HECTD4: variants seen among roughly 807,000 people sequenced by gnomAD.
HECTD4 encodes HECT domain E3 ubiquitin protein ligase 4.
In HECTD4, 114 loss-of-function variants were observed where a neutral mutation model predicts 471.5. The ratio of observed to expected loss-of-function variants is 0.24; its 90% confidence interval spans 0.21 to 0.28. The LOEUF (loss-of-function observed/expected upper bound fraction) is 0.28, where lower values mean the gene tolerates loss of function less well. HECTD4 is among the 10% of genes least tolerant of loss of function. HECTD4 has a pLI of 1.00. For synonymous variants in HECTD4, 2,012 were observed against 2,256.0 expected (o/e 0.89, Z 3.07); for missense variants, 3,866 against 5,651.5 (o/e 0.68, Z 10.13).
chr12:112,370,906 C>A (rs570601767), intron 1 of HECTD4, among the ~76,000 whole-genome samples: 1 of 152,262 alleles, frequency 6.6e-6, no homozygotes, highest in African/African-American at 2.4e-5. Flanking sequence ...CTGTTATTTA[C>A]ATTTGTCTAC....
rs2030960449 is a variant in HECTD4 at position 112,166,388 on chromosome 12, G to C, written c.12534+929C>G. 1 of 152,264 alleles carries C rather than the reference G, an allele frequency of 6.6e-6. No individual in the cohort carries two copies. Among genetic ancestry groups the C allele is most frequent in the South Asian group, 2.1e-4 (1 of 4,838 alleles). 9.4% of individuals were successfully genotyped at this position (152,264 alleles called of 1,614,324 possible). On this transcript the variant is annotated intron_variant, in intron 72 of 75. Coordinates refer to ENST00000682272, the MANE Select transcript of HECTD4 (RefSeq NM_001388303.1). This position sits in a 1 kb window ranked among gnomAD's most constrained non-coding sequence, Gnocchi z 4.6. ...GGCCATGGAGTATTCTGCCGGCATA[G>C]GCAGAAGCCGCTGGCACCTCCTTCA...
intron 67 of HECTD4, among the ~76,000 whole-genome samples, chr12:112,171,995 C>T (rs2031239832): frequency 6.6e-6 from 1 of 152,174 alleles, no homozygotes; most frequent in South Asian, 2.1e-4. Context: ...CCTCCACCTC[C>T]CGGGTTCAAG....
Position 112,381,603 on chromosome 12 carries a change from C to T in HECTD4, c.177+349G>A, listed in dbSNP as rs1168240357. 5.9e-5 allele frequency among the ~76,000 whole-genome samples: 9 copies of T among 152,120 alleles called. No individual in the cohort carries two copies. Among genetic ancestry groups the T allele is most frequent in the Non-Finnish European group, 4.4e-5 (3 of 68,010 alleles). ...TGCCCTGGAAGTGGGTCCTGGGGGCCCGTGGGGGAGGGGAGGGAGGGCCCG... is the reference window on the plus strand; with the variant it reads ...TGCCCTGGAAGTGGGTCCTGGGGGCTCGTGGGGGAGGGGAGGGAGGGCCCG... On this transcript the variant is annotated intron_variant, in intron 1 of 75. Transcript: ENST00000682272. This position sits in a 1 kb window ranked among gnomAD's most constrained non-coding sequence, Gnocchi z 4.1.
rs1206687145 is a variant in HECTD4 at position 112,194,446 on chromosome 12, G to C, written c.8749+439C>G. On this transcript the variant is annotated intron_variant, in intron 56 of 75. Coordinates refer to ENST00000682272, the MANE Select transcript of HECTD4 (RefSeq NM_001388303.1). The surrounding 1 kb of genome is among the most constrained non-coding windows in gnomAD (Gnocchi z 4.6). Reference sequence around the variant, plus strand: ...ATCACCTGGCATTCACTGGGGATCAGACACAGCCCTCATGCCAAGGGCACA... The same window carrying C: ...ATCACCTGGCATTCACTGGGGATCACACACAGCCCTCATGCCAAGGGCACA... 6.6e-6 allele frequency among the ~76,000 whole-genome samples: 1 copy of C among 152,220 alleles called. No homozygotes were observed. The highest frequency in any genetic ancestry group is 1.5e-5 in the Non-Finnish European group (1 of 68,024).
chr12:112,306,317 T>A (rs2035270568), intron 6 of HECTD4, 83 bp from the exon 7 acceptor site: 4 of 1,130,222 alleles, frequency 3.5e-6, no homozygotes, highest in Non-Finnish European at 4.6e-6. Flanking sequence ...AATGCCATTA[T>A]GCCCAAGATG....
In HECTD4 at chr12:112,273,740, G is replaced by T; in HGVS notation, c.1857C>A (p.Ile619=). 1 of 1,613,886 alleles carries T rather than the reference G, an allele frequency of 6.2e-7. No homozygotes were observed. Among genetic ancestry groups the T allele is most frequent in the Non-Finnish European group, 8.5e-7 (1 of 1,179,788 alleles). The change falls in exon 11 of 76, where the codon ATC becomes ATA. Residue 619 remains isoleucine (I), a synonymous_variant. Transcript: ENST00000682272. ...GATTCCCAGGGTTACACCACTGATC[G>T]ATATAGTCATTTGAGCATGTCCATA... ...NMLWTCSNDY[I]DQWCNPGNQA...
Position 112,228,503 on chromosome 12 carries a change from C to T in HECTD4, c.6684+144G>A. On this transcript the variant is annotated intron_variant, in intron 42 of 75. Coordinates refer to ENST00000682272, the MANE Select transcript of HECTD4 (RefSeq NM_001388303.1). The surrounding 1 kb of genome is among the most constrained non-coding windows in gnomAD (Gnocchi z 4.9). ...TCACATAAGCATTACTATTAAATAACTATAACCAATACATAAATATACATC... is the reference window on the plus strand; with the variant it reads ...TCACATAAGCATTACTATTAAATAATTATAACCAATACATAAATATACATC... 2.3e-6 allele frequency: 2 copies of T among 888,468 alleles called. No homozygotes were observed. Among genetic ancestry groups the T allele is most frequent in the Non-Finnish European group, 3.3e-6 (2 of 608,830 alleles). The allele number at this position is 888,468 out of a possible 1,614,324, so 55.0% of individuals were successfully genotyped here. A position where few individuals can be genotyped will look rare whatever the true frequency, so the allele number is the denominator to read the frequency against.
chr12:112,192,437 G>T, intron 59 of HECTD4, 123 bp downstream of exon 59: 1 of 679,744 alleles, frequency 1.5e-6, no homozygotes, highest in Non-Finnish European at 2.3e-6. Flanking sequence ...GTCCCCAGAA[G>T]TCCTATTCTT....
Position 112,193,248 on chromosome 12 carries a change from A to G in HECTD4, c.8956-57T>C, listed in dbSNP as rs1290024124. On this transcript the variant is annotated intron_variant, in intron 57 of 75. Coordinates refer to ENST00000682272, the MANE Select transcript of HECTD4 (RefSeq NM_001388303.1). This position sits in a 1 kb window ranked among gnomAD's most constrained non-coding sequence, Gnocchi z 5.2. ...GGGCTAAACACAGGGACAGCATTTCATCTTCTCATCTCACATGGCCCAGGA... is the reference window on the plus strand; with the variant it reads ...GGGCTAAACACAGGGACAGCATTTCGTCTTCTCATCTCACATGGCCCAGGA... 5 of 1,590,514 alleles carry G rather than the reference A, an allele frequency of 3.1e-6. No homozygotes were observed. Among genetic ancestry groups the G allele is most frequent in the Non-Finnish European group, 4.3e-6 (5 of 1,166,636 alleles).
chr12:112,214,254 C>T (rs1026172575), intron 48 of HECTD4, among the ~76,000 whole-genome samples: 3 of 152,208 alleles, frequency 2.0e-5, no homozygotes, highest in Non-Finnish European at 4.4e-5. Flanking sequence ...GGCACTCTTA[C>T]ATCAGCTGCC....
intron 1 of HECTD4, among the ~76,000 whole-genome samples, chr12:112,373,774 G>A (rs1319963341): frequency 6.6e-6 from 1 of 151,162 alleles, no homozygotes; most frequent in African/African-American, 2.4e-5. Flanking sequence ...GGAGGCTGAG[G>A]TGGGCAGATC....
chr12:112,378,241 C>T (rs987491915), intron 1 of HECTD4, among the ~76,000 whole-genome samples: 33 of 151,956 alleles, frequency 2.2e-4, no homozygotes, highest in Middle Eastern at 3.2e-3. Context: ...CTTTTTTTGA[C>T]GGAGTCTCGC....
intron 22 of HECTD4, among the ~76,000 whole-genome samples, chr12:112,252,975 A>C (rs569261938): frequency 9.2e-5 from 14 of 151,824 alleles, no homozygotes; most frequent in Non-Finnish European, 2.1e-4. Context: ...ATGCCCAGCT[A>C]ATTTTTTTAT....
At chr12:112,283,055 G>T in intron 8 of HECTD4, 55 bp downstream of exon 8, 1 of 1,415,948 alleles carries the variant, frequency 7.1e-7, no homozygotes, top group Non-Finnish European at 9.7e-7. Context: ...TCAATAAGAC[G>T]TAGCTGAACA....
Position 112,200,892 on chromosome 12 carries a change from T to C in HECTD4, c.8407-94A>G, listed in dbSNP as rs60382980. 1,782 of 918,414 alleles carry C rather than the reference T, an allele frequency of 1.9e-3. 10 individuals carry two copies. Among genetic ancestry groups the C allele is most frequent in the African/African-American group, 0.015 (901 of 59,804 alleles). 56.9% of individuals were successfully genotyped at this position (918,414 alleles called of 1,614,324 possible). A position where few individuals can be genotyped will look rare whatever the true frequency, so the allele number is the denominator to read the frequency against. ...GTGTGTGTGCGTGCGTGCGTGTGTG[T>C]GTGTGTGTGTGTGTGTGTGTATTTT... On this transcript the variant is annotated intron_variant, in intron 54 of 75. Coordinates refer to ENST00000682272, the MANE Select transcript of HECTD4 (RefSeq NM_001388303.1).
Position 112,175,875 on chromosome 12 carries a change from C to T in HECTD4, c.11471-16G>A, listed in dbSNP as rs1442671262. ...TCCTCAGGGACTGGTGGAAAGGGTT[C>T]AGTGTGAGGAATCTGGTGAGACCTG... On this transcript the variant is annotated splice_polypyrimidine_tract_variant and intron_variant, in intron 65 of 75. Coordinates refer to ENST00000682272, the MANE Select transcript of HECTD4 (RefSeq NM_001388303.1). The T allele has an allele frequency of 6.2e-7, 1 of 1,612,540 alleles. No homozygotes were observed. Among genetic ancestry groups the T allele is most frequent in the Non-Finnish European group, 8.5e-7 (1 of 1,179,490 alleles).
chr12:112,290,163 A>T (rs1372543322), intron 7 of HECTD4, among the ~76,000 whole-genome samples: 1 of 152,030 alleles, frequency 6.6e-6, no homozygotes, highest in Non-Finnish European at 1.5e-5. Flanking sequence ...TATACAAAAC[A>T]TACCAAAATT....
chr12:112,271,351 G>A (rs1186093136), intron 11 of HECTD4, among the ~76,000 whole-genome samples: 6 of 152,144 alleles, frequency 3.9e-5, no homozygotes, highest in East Asian at 1.9e-4. Context: ...CAGTGTGGTC[G>A]AGACTAACAG....
At chr12:112,222,679 A>C (rs879821954) in intron 44 of HECTD4, among the ~76,000 whole-genome samples, 340 of 151,916 alleles carry the variant, frequency 2.2e-3, no homozygotes, top group Non-Finnish European at 4.1e-3. Context: ...AAAAACAAAC[A>C]AAAAATTAGC....
Sources: allele counts gnomAD v4.1 joint callset (sites outside exome capture counted in the v4.1 genomes callset), GRCh38; gene constraint gnomAD v4.1.1; non-coding constraint Gnocchi (gnomAD v3.1); transcripts MANE v1.5; gene names NCBI Gene and HGNC (gene_info 2026-07-23, HGNC 2026-07-21).